Variants in TNRC6B observed in about 807,000 individuals in gnomAD.
TNRC6B encodes the protein trinucleotide repeat-containing gene 6B protein.
TNRC6B carries 52 observed loss-of-function variants against 203.6 expected under a neutral mutation model. The ratio of observed to expected loss-of-function variants is 0.26; its 90% CI spans 0.20 to 0.32. The LOEUF is 0.32. Ranked by LOEUF, TNRC6B falls within the 10% of genes least tolerant of loss-of-function variation. The pLI is 1.00. For missense variants in TNRC6B, 1,923 were observed against 2,286.2 expected, an observed-to-expected ratio of 0.84 and a Z score of 3.24; for synonymous variants, 838 against 845.7, an observed-to-expected ratio of 0.99 and a Z score of 0.16.
chr22:40,068,874 T>C (rs1349646270), intron 1 of TNRC6B, among the ~76,000 whole-genome samples: 1 of 152,008 alleles, frequency 6.6e-6, no homozygotes, highest in African/African-American at 2.4e-5. Flanking sequence ...AATGAACCAT[T>C]GCACCTTGCC....
At chr22:40,212,339 G>A (rs1353229876) in intron 1 of TNRC6B, among the ~76,000 whole-genome samples, 1 of 152,242 alleles carries the variant, frequency 6.6e-6, no homozygotes, top group African/African-American at 2.4e-5. Flanking sequence ...CGCCTGTTCA[G>A]GATGCAACGT....
intron 1 of TNRC6B, among the ~76,000 whole-genome samples, chr22:40,223,663 C>T (rs1047718277): frequency 2.0e-5 from 3 of 152,100 alleles, no homozygotes; most frequent in Non-Finnish European, 4.4e-5. Context: ...CGTATTTAAC[C>T]AGTCCCCTAA....
intron 3 of TNRC6B, among the ~76,000 whole-genome samples, chr22:40,143,392 C>T (rs2068661147): frequency 1.3e-5 from 2 of 152,058 alleles, no homozygotes; most frequent in African/African-American, 2.4e-5. Flanking sequence ...ATGATCACGC[C>T]ACTGCACTCC....
At position 40,273,433 on chromosome 22, in the gene TNRC6B, T is replaced by C; in HGVS notation, c.2974T>C (p.Ser992Pro). ...TCATTCTTTCCTTAAAGATTCCAAA[T>C]CTATGCAAGACGGCTGGGGGGAGAG... ...APNAMKPNSK[S>P]MQDGWGESDG... Residue 992 changes from serine (S) to proline (P), a missense_variant, in exon 7 of 23, where the codon TCT becomes CCT. Ser to Pro is a moderately conservative substitution (Grantham distance 74, BLOSUM62 -1). This residue lies in a region of TNRC6B where 599 missense variants were observed against 656.5 expected (regional missense o/e 0.91). Coordinates refer to ENST00000454349, the MANE Select transcript of TNRC6B (RefSeq NM_001162501.2). The C allele has an allele frequency of 1.2e-6, 2 of 1,603,552 alleles. No homozygotes were observed. The highest frequency in any genetic ancestry group is 1.7e-6 in the Non-Finnish European group (2 of 1,175,794).
chr22:40,049,002 A>G (rs1009576490), intron 1 of TNRC6B, among the ~76,000 whole-genome samples: 1 of 152,112 alleles, frequency 6.6e-6, no homozygotes, highest in Non-Finnish European at 1.5e-5. Flanking sequence ...CTGGGATTAT[A>G]GGCGTGCATC....
chr22:40,257,856 C>T (rs1293852534), intron 3 of TNRC6B, among the ~76,000 whole-genome samples: 1 of 151,874 alleles, frequency 6.6e-6, no homozygotes, highest in East Asian at 1.9e-4. Context: ...AACTCCGTCT[C>T]TGTTAAACAT....
At chr22:40,235,299 A>G (rs967245305) in intron 1 of TNRC6B, among the ~76,000 whole-genome samples, 1 of 152,208 alleles carries the variant, frequency 6.6e-6, no homozygotes, top group Non-Finnish European at 1.5e-5. Context: ...GTGTGGGTTT[A>G]TTAAATGGTA....
At chr22:40,058,334 T>A (rs946184733) in intron 1 of TNRC6B, among the ~76,000 whole-genome samples, 20 of 150,578 alleles carry the variant, frequency 1.3e-4, no homozygotes, top group Admixed American at 6.6e-4. Context: ...TTCAAGCCAG[T>A]AAGGGATGGT....
chr22:40,300,725 T>C (rs1053362262), intron 13 of TNRC6B, 139 bp downstream of exon 13: 7 of 1,306,532 alleles, frequency 5.4e-6, no homozygotes, highest in Non-Finnish European at 4.1e-6. Context: ...AACTATGGAG[T>C]GTGCTTAAGG....
At chr22:40,107,039 C>A (rs557258860) in intron 1 of TNRC6B, 6 of 971,648 alleles carry the variant, frequency 6.2e-6, no homozygotes, top group East Asian at 4.8e-5. Flanking sequence ...CAGGAACCTT[C>A]TTCTTCTTCT....
chr22:40,123,155 T>C (rs548322740), intron 2 of TNRC6B, among the ~76,000 whole-genome samples: 8 of 152,174 alleles, frequency 5.3e-5, no homozygotes, highest in South Asian at 2.1e-4. Context: ...TAGGATCTTA[T>C]TGGGACACGA....
intron 4 of TNRC6B, among the ~76,000 whole-genome samples, chr22:40,169,011 C>T (rs569360724): frequency 5.3e-5 from 8 of 152,068 alleles, no homozygotes; most frequent in East Asian, 3.9e-4. Context: ...TGTTATTAAT[C>T]GTTTTTGTAT....
At chr22:40,064,857 T>A (rs2067882690) in intron 1 of TNRC6B, among the ~76,000 whole-genome samples, 1 of 152,068 alleles carries the variant, frequency 6.6e-6, no homozygotes, top group Non-Finnish European at 1.5e-5. Flanking sequence ...CCTCAGGTGA[T>A]CTGCCCACCT....
At chr22:40,322,280 C>G (rs1054396230) in intron 22 of TNRC6B, among the ~76,000 whole-genome samples, 5 of 152,206 alleles carry the variant, frequency 3.3e-5, no homozygotes, top group African/African-American at 9.6e-5. Flanking sequence ...ATATCTCCTG[C>G]TGCCACACAT....
intron 12 of TNRC6B, among the ~76,000 whole-genome samples, chr22:40,289,333 A>G (rs988390995): frequency 2.6e-5 from 4 of 152,148 alleles, no homozygotes; most frequent in South Asian, 2.1e-4. Context: ...CACTGGAAGT[A>G]ATATAGAGGA....
chr22:40,055,657 T>TA (rs1352052164), intron 1 of TNRC6B, among the ~76,000 whole-genome samples: 1 of 152,248 alleles, frequency 6.6e-6, no homozygotes, highest in Non-Finnish European at 1.5e-5. Context: ...TTCTAGTTAA[T>TA]ATACTTGCTT....
chr22:40,242,179 AGTGTGTGTGT>A lies in TNRC6B; in HGVS notation c.6-3814_6-3805del, dbSNP rs58498001. Among the ~76,000 whole-genome samples the A allele has an allele frequency of 6.1e-4, 91 of 149,436 alleles. 2 individuals are homozygous for A. The highest frequency in any genetic ancestry group is 1.8e-3 in the East Asian group (9 of 5,040). On this transcript the variant is annotated intron_variant, in intron 1 of 22. Transcript: ENST00000454349. Reference sequence around the variant, plus strand: ...AGAGTGACAGAGCTAAGGGAATAAGAGTGTGTGTGTGTGTGTGTGTGTGTGTGTGTGCATG... The same window carrying A: ...AGAGTGACAGAGCTAAGGGAATAAGAGTGTGTGTGTGTGTGTGTGTGCATG...
chr22:40,088,621 T>TGTGC (rs2068121704), intron 1 of TNRC6B, among the ~76,000 whole-genome samples: 1 of 150,794 alleles, frequency 6.6e-6, no homozygotes, highest in African/African-American at 2.5e-5. Context: ...TGTGTGTGTG[T>TGTGC]GTGTGTGTGT....
chr22:40,075,156 A>ATATTTTTT, intron 1 of TNRC6B, among the ~76,000 whole-genome samples: 38 of 35,564 alleles, frequency 1.1e-3, no homozygotes, highest in East Asian at 1.5e-3. Flanking sequence ...ATATATATAT[A>ATATTTTTT]TTTTTTTTTT....
Sources: gnomAD v4.1 joint callset for allele counts (sites outside exome capture counted in the v4.1 genomes callset) on GRCh38, gnomAD v4.1.1 for gene constraint, gnomAD v4.1.1 regional missense constraint, MANE v1.5 for transcripts, NCBI Gene and HGNC (gene_info 2026-07-23, HGNC 2026-07-21) for gene names.